TOX4: variants seen among roughly 807,000 people sequenced by gnomAD.
TOX4 encodes epidermal Langerhans cell protein LCP1.
A neutral mutation model predicts 61.0 loss-of-function variants in TOX4; 12 were observed. That is an observed-to-expected ratio of 0.20 (90% CI 0.13 to 0.32). TOX4 has a LOEUF of 0.32. TOX4 is among the 10% of genes least tolerant of loss of function. The pLI is 1.00. For missense variants in TOX4, 499 were observed against 753.3 expected (o/e 0.66, Z 3.95); for synonymous variants, 268 against 274.8 (o/e 0.98, Z 0.24).
chr14:21,478,886 C>T (rs770725207), intron 2 of TOX4, among the ~76,000 whole-genome samples: 5 of 151,874 alleles, frequency 3.3e-5, no homozygotes, highest in South Asian at 2.1e-4. Flanking sequence ...TCACTGCAGC[C>T]TCCACCTCCT....
Position 21,488,375 on chromosome 14 carries a change from G to A in TOX4, c.319-215G>A, listed in dbSNP as rs917170901. On this transcript the variant is annotated intron_variant, in intron 3 of 8. Coordinates refer to ENST00000448790, the MANE Select transcript of TOX4 (RefSeq NM_014828.4). ...AGTGCGACTTCTCTGATTATTTTTAGTTCTTCTTTTGAGTGCAAAGAAGTA... is the reference window on the plus strand; with the variant it reads ...AGTGCGACTTCTCTGATTATTTTTAATTCTTCTTTTGAGTGCAAAGAAGTA... The A allele has an allele frequency of 1.0e-4, 55 of 548,548 alleles. 1 individual carries two copies. The highest frequency in any genetic ancestry group is 1.6e-4 in the Non-Finnish European group (51 of 316,298). 34.0% of individuals were successfully genotyped at this position (548,548 alleles called of 1,614,324 possible). A position where few individuals can be genotyped will look rare whatever the true frequency, so the allele number is the denominator to read the frequency against.
chr14:21,491,022 A>G (rs1322816257), intron 5 of TOX4, among the ~76,000 whole-genome samples: 2 of 152,184 alleles, frequency 1.3e-5, no homozygotes, highest in Non-Finnish European at 2.9e-5. Flanking sequence ...ACAGGGTTTC[A>G]CCGTGTTGGT....
Position 21,489,380 on chromosome 14 carries a change from A to G in TOX4, c.787A>G (p.Ser263Gly). The G allele has an allele frequency of 6.2e-7, 1 of 1,613,262 alleles. No homozygotes were observed. Among genetic ancestry groups the G allele is most frequent in the Non-Finnish European group, 8.5e-7 (1 of 1,179,810 alleles). ...AAAAATTGTGGCCTCCATGTGGGATAGTCTTGGAGAGGAGCAAAAACAGGT... is the reference window on the plus strand; with the variant it reads ...AAAAATTGTGGCCTCCATGTGGGATGGTCTTGGAGAGGAGCAAAAACAGGT... ...VSKIVASMWD[S>G]LGEEQKQVYK... The change falls in exon 5 of 9, where the codon AGT becomes GGT. Residue 263 changes from serine (S) to glycine (G), a missense_variant. Transcript: ENST00000448790.
intron 2 of TOX4, among the ~76,000 whole-genome samples, chr14:21,484,124 TTA>T (rs1891155935): frequency 6.6e-6 from 1 of 152,126 alleles, no homozygotes; most frequent in African/African-American, 2.4e-5. Flanking sequence ...CTGTGTGTTC[TTA>T]TGCTCCGTGT....
rs200779590 is a variant in TOX4, at chr14:21,492,570, T to C, written c.954T>C (p.Pro318=). 1.8e-5 allele frequency: 29 copies of C among 1,613,872 alleles called. No homozygotes were observed. Among genetic ancestry groups the C allele is most frequent in the Non-Finnish European group, 2.5e-6 (3 of 1,180,032 alleles). The change falls in exon 7 of 9, where the codon CCT becomes CCC. Residue 318 remains proline, a synonymous_variant. Coordinates refer to ENST00000448790, the MANE Select transcript of TOX4 (RefSeq NM_014828.4). ...CATCACAAACTCCTTCTCCACCTCC[T>C]ATGGCTACTGTTGACCCAGCATCTC... is the stretch of plus-strand genomic sequence containing the variant. ...APPSQTPSPP[P]MATVDPASPA... is the part of the protein sequence containing the mutation.
Position 21,492,574 on chromosome 14 carries a change from G to A in TOX4, c.958G>A (p.Ala320Thr), listed in dbSNP as rs549063298. The change falls in exon 7 of 9, where the codon GCT becomes ACT. Residue 320 changes from alanine to threonine, a missense_variant. Physicochemically the swap from Ala to Thr is moderately conservative, Grantham distance 58 (BLOSUM62 0). This residue lies in a region of TOX4 where 296 missense variants were observed against 404.7 expected (regional missense o/e 0.73). Coordinates refer to ENST00000448790, the MANE Select transcript of TOX4 (RefSeq NM_014828.4). Reference sequence around the variant, plus strand: ...ACAAACTCCTTCTCCACCTCCTATGGCTACTGTTGACCCAGCATCTCCAGC... The same window carrying A: ...ACAAACTCCTTCTCCACCTCCTATGACTACTGTTGACCCAGCATCTCCAGC... Reference protein sequence around the residue: ...PSQTPSPPPMATVDPASPAPA... With the variant: ...PSQTPSPPPMTTVDPASPAPA... 5.6e-6 allele frequency: 9 copies of A among 1,613,794 alleles called. No homozygotes were observed. In the South Asian group the frequency reaches 9.9e-5, roughly 18 times the overall value.
At chr14:21,487,838 C>A in intron 3 of TOX4, 145 bp downstream of exon 3, 3 of 891,618 alleles carry the variant, frequency 3.4e-6, no homozygotes, top group Non-Finnish European at 3.1e-6. Flanking sequence ...CTTAATTTCA[C>A]CTGAATAAAT....
chr14:21,479,498 A>G (rs1179094624), intron 2 of TOX4, among the ~76,000 whole-genome samples: 10 of 151,472 alleles, frequency 6.6e-5, no homozygotes, highest in Non-Finnish European at 1.0e-4. Context: ...AAATACAAAA[A>G]TTAGCCGGGT....
Position 21,484,919 on chromosome 14 carries a change from G to A in TOX4, c.76-2532G>A, listed in dbSNP as rs1318555463. Among the ~76,000 whole-genome samples the A allele has an allele frequency of 9.4e-5, 10 of 106,230 alleles. 4 individuals are homozygous for A. Among genetic ancestry groups the A allele is most frequent in the Admixed American group, 6.7e-4 (8 of 11,932 alleles). The allele number at this position is 106,230 out of a possible 152,430, so 69.7% of individuals were successfully genotyped here. ...TGTGATCCGCCCACCTGGGCCTCCC[G>A]AAGTGCTGGGATTACAGGCGTGAGC... On this transcript the variant is annotated intron_variant, in intron 2 of 8. Transcript: ENST00000448790.
intron 2 of TOX4, among the ~76,000 whole-genome samples, chr14:21,486,894 T>C (rs1354625220): frequency 6.6e-6 from 1 of 152,234 alleles, no homozygotes; most frequent in Non-Finnish European, 1.5e-5. Context: ...CATTATAATT[T>C]CTAAAGTGGA....
intron 2 of TOX4, among the ~76,000 whole-genome samples, chr14:21,483,027 C>G (rs971462143): frequency 6.6e-5 from 10 of 152,132 alleles, no homozygotes; most frequent in Non-Finnish European, 1.3e-4. Context: ...CTTGTCGATC[C>G]TACATAATGG....
Position 21,493,013 on chromosome 14 carries a change from C to T in TOX4, c.1397C>T (p.Pro466Leu). The change falls in exon 7 of 9, where the codon CCT becomes CTT. Residue 466 changes from proline to leucine, a missense_variant. Around this residue, in one of 7 missense-constraint regions of TOX4, gnomAD observed 296 missense variants for 404.7 expected, o/e 0.73. Coordinates refer to ENST00000448790, the MANE Select transcript of TOX4 (RefSeq NM_014828.4). The stretch of plus-strand genomic sequence containing the variant: ...CAGCAAGTTACCATTCTGCAGCAGC[C>T]TCCTCCACTCCAGGCCATGCAACAG... The part of the protein sequence containing the change: ...TQQQVTILQQ[P>L]PPLQAMQQPP... 1 of 1,613,648 alleles carries T rather than the reference C, an allele frequency of 6.2e-7. No homozygotes were observed. The highest frequency in any genetic ancestry group is 8.5e-7 in the Non-Finnish European group (1 of 1,179,754).
At position 21,493,325 on chromosome 14, in the gene TOX4, A is replaced by G. The variant is rs534288093; in HGVS notation, c.1641+68A>G. ...AAAAATGTTTTTGGTTGACCCAATA[A>G]CAGTGGGGGTTGCTACTAGCATTTA... On this transcript the variant is annotated intron_variant, in intron 7 of 8. Transcript: ENST00000448790. The G allele has an allele frequency of 6.5e-4, 982 of 1,509,542 alleles. 5 individuals carry two copies. The African/African-American group carries it at 7.7e-3, about 12-fold the overall frequency. 93.5% of individuals were successfully genotyped at this position (1,509,542 alleles called of 1,614,324 possible). A position where few individuals can be genotyped will look rare whatever the true frequency, so the allele number is the denominator to read the frequency against.
chr14:21,487,907 G>C (rs1030944037), intron 3 of TOX4: 5 of 491,838 alleles, frequency 1.0e-5, no homozygotes, highest in African/African-American at 1.0e-4. Flanking sequence ...TACAATGTCT[G>C]GTTTGAAAAT....
chr14:21,490,454 A>G (rs1018811823), intron 5 of TOX4, among the ~76,000 whole-genome samples: 2 of 152,206 alleles, frequency 1.3e-5, no homozygotes, highest in African/African-American at 4.8e-5. Context: ...CAGCCTGGGC[A>G]ACAAGAGTGA....
At chr14:21,477,646 C>T (rs749156885) in intron 2 of TOX4, 82 bp downstream of exon 2, 86 of 1,493,774 alleles carry the variant, frequency 5.8e-5, no homozygotes, top group Non-Finnish European at 7.7e-5. Flanking sequence ...GCACGGACTC[C>T]GGGGACGGGG....
chr14:21,495,386 A>G lies in TOX4; in HGVS notation c.1799A>G (p.His600Arg). 1 of 1,612,560 alleles carries G rather than the reference A, an allele frequency of 6.2e-7. No individual in the cohort carries two copies. The change falls in exon 8 of 9, where the codon CAC becomes CGC. Residue 600 changes from histidine to arginine, a missense_variant. This residue lies in a region of TOX4 where 296 missense variants were observed against 404.7 expected (regional missense o/e 0.73). Transcript: ENST00000448790. The stretch of plus-strand genomic sequence containing the variant: ...TGCAGCAATGAGTGTGTGGTGAAGC[A>G]CTGCAGGTGAGCTTACAGTTCTCCC... Reference protein sequence around the residue: ...EYCSNECVVKHCRDVFLAWVA... With the variant: ...EYCSNECVVKRCRDVFLAWVA...
intron 2 of TOX4, among the ~76,000 whole-genome samples, chr14:21,485,003 C>T (rs1474006813): frequency 9.2e-6 from 1 of 108,248 alleles, no homozygotes; most frequent in African/African-American, 3.5e-5. Context: ...CGCTGTGGCT[C>T]ATGCCTGTAA....
intron 7 of TOX4, among the ~76,000 whole-genome samples, chr14:21,493,630 G>A (rs887965257): frequency 5.9e-5 from 9 of 151,748 alleles, no homozygotes; most frequent in Admixed American, 2.0e-4. Context: ...TAGTAGAGAC[G>A]GTTTCTCCAT....
Sources: gnomAD v4.1 joint callset for allele counts (sites outside exome capture counted in the v4.1 genomes callset) on GRCh38, gnomAD v4.1.1 for gene constraint, gnomAD v4.1.1 regional missense constraint, MANE v1.5 for transcripts, NCBI Gene and HGNC (gene_info 2026-07-23, HGNC 2026-07-21) for gene names.